AKAP12: variants seen among roughly 807,000 people sequenced by gnomAD.
AKAP12 encodes A-kinase anchor protein 12.
A neutral mutation model predicts 79.9 loss-of-function variants in AKAP12; 32 were observed. The observed-to-expected ratio is 0.40, with a 90% CI of 0.30 to 0.54. The LOEUF is 0.54. Among genes scored for constraint, AKAP12 ranks in the 20% least tolerant of loss-of-function variants. AKAP12 has a pLI of 0.48. For synonymous variants in AKAP12, 808 were observed against 857.0 expected, an observed-to-expected ratio of 0.94 and a Z score of 1.00; for missense variants, 2,074 against 2,177.0, an observed-to-expected ratio of 0.95 and a Z score of 0.94.
At chr6:151,308,856 G>A (rs1387333150) in intron 3 of AKAP12, among the ~76,000 whole-genome samples, 1 of 151,952 alleles carries the variant, frequency 6.6e-6, no homozygotes, top group African/African-American at 2.4e-5. Flanking sequence ...TGACATCAGT[G>A]ACAGCTCATG....
At chr6:151,288,540 C>T (rs967561599) in intron 2 of AKAP12, among the ~76,000 whole-genome samples, 48 of 152,076 alleles carry the variant, frequency 3.2e-4, no homozygotes, top group Middle Eastern at 3.4e-3. Flanking sequence ...AAAAGAGTCA[C>T]GAGCACATTG....
At chr6:151,289,088 A>G (rs1776563723) in intron 2 of AKAP12, among the ~76,000 whole-genome samples, 1 of 152,176 alleles carries the variant, frequency 6.6e-6, no homozygotes, top group African/African-American at 2.4e-5. Flanking sequence ...TTTAGTAGAT[A>G]TTGCTGGACA....
chr6:151,341,459 A>G (rs1582894003), intron 3 of AKAP12, among the ~76,000 whole-genome samples: 1 of 151,734 alleles, frequency 6.6e-6, no homozygotes, highest in African/African-American at 2.4e-5. Context: ...GTTTGAAGAG[A>G]CCCCACTGGG....
intron 2 of AKAP12, among the ~76,000 whole-genome samples, chr6:151,248,299 C>T (rs1257268983): frequency 1.4e-5 from 2 of 147,344 alleles, no homozygotes; most frequent in East Asian, 2.0e-4. Context: ...GACAGGGTCT[C>T]ACTGTGTTTC....
At chr6:151,302,689 G>A (rs1776887789) in intron 2 of AKAP12, among the ~76,000 whole-genome samples, 1 of 152,168 alleles carries the variant, frequency 6.6e-6, no homozygotes, top group South Asian at 2.1e-4. Flanking sequence ...TTATTGCATT[G>A]AAATTGAGGT....
At chr6:151,270,877 A>G (rs1318537318) in intron 2 of AKAP12, among the ~76,000 whole-genome samples, 1 of 152,218 alleles carries the variant, frequency 6.6e-6, no homozygotes, top group Non-Finnish European at 1.5e-5. Flanking sequence ...ATGAATGTGT[A>G]TATGACAGAC....
rs557230173 is a variant in AKAP12 at position 151,344,602 on chromosome 6, T to C, written c.320-4109T>C. 2.8e-3 allele frequency among the ~76,000 whole-genome samples: 423 copies of C among 151,660 alleles called. 4 individuals carry two copies. The highest frequency in any genetic ancestry group is 9.8e-3 in the African/African-American group (404 of 41,310). On this transcript the variant is annotated intron_variant, in intron 3 of 4. Coordinates refer to ENST00000402676, the MANE Select transcript of AKAP12 (RefSeq NM_005100.4). ...AGGCTGGAGTGCAATGGCATGATCT[T>C]GGCTCACTGCAACCTCTGCCTCCCA...
intron 3 of AKAP12, among the ~76,000 whole-genome samples, chr6:151,333,866 T>G (rs7749357): frequency 0.19 from 28,089 of 151,804 alleles, 3,990 homozygotes; most frequent in African/African-American, 0.41. Flanking sequence ...TGGTGTGTCA[T>G]GTACAGTTGG....
In AKAP12 at chr6:151,352,586, T is replaced by G. The variant is rs1778326325; in HGVS notation, c.4195T>G (p.Cys1399Gly). The G allele has an allele frequency of 5.3e-5, 85 of 1,614,162 alleles. No homozygotes were observed. Among genetic ancestry groups the G allele is most frequent in the Non-Finnish European group, 7.1e-5 (84 of 1,180,032 alleles). ...CAGTTTGGAAGGAAGCCCTCCTCCC[T>G]GCCTAGGTCAAGAGGAGGCAGTATG... ...VSSLEGSPPP[C>G]LGQEEAVCTK... The change falls in exon 4 of 5, where the codon TGC becomes GGC. Residue 1399 changes from cysteine to glycine, a missense_variant. This residue lies in a region of AKAP12 where 614 missense variants were observed against 665.6 expected (regional missense o/e 0.92). Coordinates refer to ENST00000402676, the MANE Select transcript of AKAP12 (RefSeq NM_005100.4).
chr6:151,256,718 C>T (rs1206695936), intron 2 of AKAP12, among the ~76,000 whole-genome samples: 3 of 151,824 alleles, frequency 2.0e-5, no homozygotes, highest in Non-Finnish European at 4.4e-5. Flanking sequence ...GACGCGATCT[C>T]GGCTCACTGC....
At chr6:151,297,148 T>TA (rs1364613354) in intron 2 of AKAP12, among the ~76,000 whole-genome samples, 2 of 151,816 alleles carry the variant, frequency 1.3e-5, no homozygotes, top group African/African-American at 2.4e-5. Context: ...CTCTTTGAGT[T>TA]ACATTGATGG....
chr6:151,305,200 T>G lies in AKAP12; in HGVS notation c.163-547T>G, dbSNP rs1451048782. ...TTTTTTTTTTTTAAAACCTACTTGATTCATTCTCAAGGGCTCTGTTTATTG... is the reference window on the plus strand; with the variant it reads ...TTTTTTTTTTTTAAAACCTACTTGAGTCATTCTCAAGGGCTCTGTTTATTG... On this transcript the variant is annotated intron_variant, in intron 2 of 4. Transcript: ENST00000402676. Among the ~76,000 whole-genome samples the G allele has an allele frequency of 5.3e-5, 8 of 151,656 alleles. No individual in the cohort carries two copies. The South Asian group carries it at 1.2e-3, about 24-fold the overall frequency.
Position 151,305,833 on chromosome 6 carries a change from C to A in AKAP12, c.249C>A (p.Gly83=), listed in dbSNP as rs1457895745. The change falls in exon 3 of 5, where the codon GGC becomes GGA. Residue 83 remains glycine, a synonymous_variant. Transcript: ENST00000402676. ...ELSLQEGDLN[G]QKGALNGQGA... ...GCCTCCAGGAGGGTGACCTAAATGGCCAGAAAGGAGCCCTGAACGGTCAAG... is the reference window on the plus strand; with the variant it reads ...GCCTCCAGGAGGGTGACCTAAATGGACAGAAAGGAGCCCTGAACGGTCAAG... 1 of 1,613,842 alleles carries A rather than the reference C, an allele frequency of 6.2e-7. No individual in the cohort carries two copies.
chr6:151,316,291 G>T (rs180896454), intron 3 of AKAP12, among the ~76,000 whole-genome samples: 9 of 152,328 alleles, frequency 5.9e-5, no homozygotes, highest in Admixed American at 5.2e-4. Context: ...GGTGAAAAGT[G>T]CTATGTGCTA....
At chr6:151,311,584 G>T (rs1777103157) in intron 3 of AKAP12, among the ~76,000 whole-genome samples, 1 of 152,056 alleles carries the variant, frequency 6.6e-6, no homozygotes, top group South Asian at 2.1e-4. Flanking sequence ...AGTCTTTGAG[G>T]GGATGTATTT....
At chr6:151,336,909 G>A (rs750762364) in intron 3 of AKAP12, among the ~76,000 whole-genome samples, 13 of 152,228 alleles carry the variant, frequency 8.5e-5, no homozygotes, top group Non-Finnish European at 1.8e-4. Flanking sequence ...CCAAGGACCC[G>A]GTGCTAGTAA....
At chr6:151,311,371 G>A (rs1345548957) in intron 3 of AKAP12, among the ~76,000 whole-genome samples, 4 of 152,208 alleles carry the variant, frequency 2.6e-5, no homozygotes, top group Non-Finnish European at 5.9e-5. Flanking sequence ...CTTGGCATTT[G>A]CCACTCTGGG....
rs1423186031 is a variant in AKAP12, at chr6:151,350,880, A to G, written c.2489A>G (p.Asp830Gly). The change falls in exon 4 of 5, where the codon GAC becomes GGC. Residue 830 changes from aspartate (D) to glycine (G), a missense_variant. This residue lies in a region of AKAP12 where 1,428 missense variants were observed against 1,451.0 expected (regional missense o/e 0.98). Transcript: ENST00000402676. The surrounding 1 kb of genome is among the most constrained non-coding windows in gnomAD (Gnocchi z 4.8). ...DGKQEQAPVE[D>G]AGPTGANEDD... ...AAACAAGAACAAGCCCCTGTTGAAG[A>G]CGCAGGGCCAACAGGGGCCAACGAA... is the stretch of plus-strand genomic sequence containing the variant. The G allele has an allele frequency of 1.2e-6, 2 of 1,614,114 alleles. No individual in the cohort carries two copies. Among genetic ancestry groups the G allele is most frequent in the East Asian group, 2.2e-5 (1 of 44,868 alleles).
At chr6:151,256,796 T>C (rs1470111868) in intron 2 of AKAP12, among the ~76,000 whole-genome samples, 1 of 151,806 alleles carries the variant, frequency 6.6e-6, no homozygotes, top group East Asian at 1.9e-4. Flanking sequence ...ACTACAGGCG[T>C]GTGCCACCAT....
Sources: allele counts gnomAD v4.1 joint callset (sites outside exome capture counted in the v4.1 genomes callset), GRCh38; gene constraint gnomAD v4.1.1; regional missense constraint gnomAD v4.1.1; non-coding constraint Gnocchi (gnomAD v3.1); transcripts MANE v1.5; gene names NCBI Gene and HGNC (gene_info 2026-07-23, HGNC 2026-07-21).